The following ROBO1 variants were observed in gnomAD, a reference collection of about 807,000 sequenced individuals.
ROBO1 encodes roundabout homolog 1.
Under a neutral mutation model 195.9 loss-of-function variants are expected in ROBO1, and 149 were observed. The ratio of observed to expected loss-of-function variants is 0.76; its 90% CI spans 0.67 to 0.87. The LOEUF is 0.87. ROBO1 is among the 40% of genes least tolerant of loss of function. The probability of loss-of-function intolerance (pLI) is 0.00; values close to 1 mark genes in which losing one functional copy is unlikely to be tolerated. For synonymous variants in ROBO1, 816 were observed against 733.2 expected, an observed-to-expected ratio of 1.11 and a Z score of -1.82; for missense variants, 1,933 against 2,068.3, an observed-to-expected ratio of 0.93 and a Z score of 1.27.
intron 3 of ROBO1, among the ~76,000 whole-genome samples, chr3:78,957,441 G>A (rs1285347462): frequency 6.6e-6 from 1 of 152,092 alleles, no homozygotes; most frequent in Non-Finnish European, 1.5e-5. Flanking sequence ...CAATGCATAT[G>A]CACTTATATA....
intron 2 of ROBO1, among the ~76,000 whole-genome samples, chr3:79,273,075 G>A (rs1362179762): frequency 1.3e-5 from 2 of 151,982 alleles, no homozygotes; most frequent in African/African-American, 4.8e-5. Context: ...GAGTGATTTC[G>A]TCAACACCAG....
At chr3:79,517,676 G>T (rs931043506) in intron 2 of ROBO1, among the ~76,000 whole-genome samples, 7 of 152,234 alleles carry the variant, frequency 4.6e-5, no homozygotes, top group African/African-American at 1.7e-4. Context: ...AAAGAGAGAG[G>T]CAAGAGACTG....
chr3:79,053,833 G>A (rs181704690), intron 3 of ROBO1, among the ~76,000 whole-genome samples: 2 of 152,184 alleles, frequency 1.3e-5, no homozygotes, highest in Admixed American at 1.3e-4. Flanking sequence ...GAAACAAGTG[G>A]ATTAGATGTG....
At chr3:79,599,386 A>G (rs1435713811) in intron 1 of ROBO1, among the ~76,000 whole-genome samples, 1 of 152,082 alleles carries the variant, frequency 6.6e-6, no homozygotes, top group Non-Finnish European at 1.5e-5. Context: ...TAGAATTCAT[A>G]AATGCTTTTC....
intron 2 of ROBO1, among the ~76,000 whole-genome samples, chr3:79,135,772 G>C (rs924117892): frequency 1.3e-5 from 2 of 152,026 alleles, no homozygotes; most frequent in Non-Finnish European, 2.9e-5. Flanking sequence ...TGAGTAGCTG[G>C]GACTGCAGGC....
chr3:78,720,196 G>A (rs2082007642), intron 5 of ROBO1, among the ~76,000 whole-genome samples: 1 of 152,176 alleles, frequency 6.6e-6, no homozygotes, highest in Non-Finnish European at 1.5e-5. Context: ...TTCCTCATGG[G>A]AGCCCCTGTT....
chr3:79,018,565 A>C, intron 3 of ROBO1: 1 of 1,531,788 alleles, frequency 6.5e-7, no homozygotes, highest in Non-Finnish European at 8.8e-7. Flanking sequence ...GGCTTAATAT[A>C]AGCAACGTGG....
At position 78,901,662 on chromosome 3, in the gene ROBO1, C is replaced by T. The variant is rs146673442; in HGVS notation, c.499+36939G>A. Among the ~76,000 whole-genome samples, 183 of 152,186 alleles carry T rather than the reference C, an allele frequency of 1.2e-3. 1 individual carries two copies. In the East Asian group the frequency reaches 0.031, roughly 26 times the overall value. On this transcript the variant is annotated intron_variant, in intron 4 of 30. Transcript: ENST00000464233. Reference sequence around the variant, plus strand: ...GTAATGTGTCTCTCCCTAACAGGAGCGATTTAAATCTGTGAAAAGTGAGGC... The same window carrying T: ...GTAATGTGTCTCTCCCTAACAGGAGTGATTTAAATCTGTGAAAAGTGAGGC...
chr3:79,757,611 C>T (rs550575467), intron 1 of ROBO1, among the ~76,000 whole-genome samples: 13 of 151,958 alleles, frequency 8.6e-5, no homozygotes, highest in Admixed American at 2.6e-4. Context: ...CCCCGGAGTT[C>T]AAGGTTGCAG....
intron 2 of ROBO1, among the ~76,000 whole-genome samples, chr3:79,476,869 A>G (rs574301180): frequency 6.6e-5 from 10 of 152,232 alleles, no homozygotes; most frequent in African/African-American, 2.2e-4. Context: ...CAAAGAACTT[A>G]CTCATGTAAC....
chr3:78,744,879 T>C (rs1222528468), intron 5 of ROBO1, among the ~76,000 whole-genome samples: 3 of 152,194 alleles, frequency 2.0e-5, no homozygotes, highest in Admixed American at 6.5e-5. Context: ...TCTTTCTCTA[T>C]TTTTATAGGA....
At chr3:78,712,435 C>T (rs9819398) in intron 8 of ROBO1, among the ~76,000 whole-genome samples, 45,278 of 151,754 alleles carry the variant, frequency 0.3, 7,283 homozygotes, top group African/African-American at 0.42. Flanking sequence ...TCTCAAAAGA[C>T]GAAAAAAGGC....
intron 2 of ROBO1, among the ~76,000 whole-genome samples, chr3:79,383,086 T>C (rs1260089955): frequency 6.6e-6 from 1 of 152,138 alleles, no homozygotes; most frequent in Non-Finnish European, 1.5e-5. Flanking sequence ...AGGAGTTACC[T>C]ATTAGCAATT....
chr3:78,798,266 A>G (rs2084246407), intron 4 of ROBO1, among the ~76,000 whole-genome samples: 1 of 152,206 alleles, frequency 6.6e-6, no homozygotes, highest in African/African-American at 2.4e-5. Flanking sequence ...ATACTACTGT[A>G]GCAAAAAGCT....
At chr3:79,058,285 C>T (rs1472202988) in intron 3 of ROBO1, among the ~76,000 whole-genome samples, 4 of 152,020 alleles carry the variant, frequency 2.6e-5, no homozygotes, top group African/African-American at 9.7e-5. Context: ...CAAGGGAATG[C>T]CTGGAGGCTA....
At chr3:79,081,460 A>C (rs2079273433) in intron 3 of ROBO1, among the ~76,000 whole-genome samples, 1 of 152,188 alleles carries the variant, frequency 6.6e-6, no homozygotes, top group Non-Finnish European at 1.5e-5. Flanking sequence ...TAGTGTACTG[A>C]ATACACAATA....
chr3:78,767,427 G>A (rs113371581), intron 4 of ROBO1, among the ~76,000 whole-genome samples: 38,739 of 151,712 alleles, frequency 0.26, 5,100 homozygotes, highest in Non-Finnish European at 0.28. Flanking sequence ...TACCACACCT[G>A]GATAATTTTT....
intron 5 of ROBO1, among the ~76,000 whole-genome samples, chr3:78,737,569 A>T (rs1402325244): frequency 6.6e-6 from 1 of 152,220 alleles, no homozygotes; most frequent in Non-Finnish European, 1.5e-5. Context: ...TGAAATGTAT[A>T]GAGATCAAAT....
At chr3:79,086,096 G>A (rs941431100) in intron 3 of ROBO1, among the ~76,000 whole-genome samples, 2 of 151,592 alleles carry the variant, frequency 1.3e-5, no homozygotes, top group Non-Finnish European at 1.5e-5. Flanking sequence ...TCACAATTAG[G>A]TAATTAACAA....
Sources: allele counts gnomAD v4.1 joint callset (sites outside exome capture counted in the v4.1 genomes callset), GRCh38; gene constraint gnomAD v4.1.1; transcripts MANE v1.5; gene names NCBI Gene and HGNC (gene_info 2026-07-23, HGNC 2026-07-21).